Variants in SYCP1 observed in about 807,000 individuals in gnomAD.
SYCP1 encodes cancer/testis antigen 8.
A neutral mutation model predicts 153.1 loss-of-function variants in SYCP1; 64 were observed. That is an observed-to-expected ratio of 0.42 (90% CI 0.34 to 0.51). SYCP1 has a LOEUF of 0.51. Ranked by LOEUF, SYCP1 falls within the 20% of genes least tolerant of loss-of-function variation. The pLI is 0.06. For synonymous variants in SYCP1, 384 were observed against 341.8 expected, an observed-to-expected ratio of 1.12 and a Z score of -1.36; for missense variants, 997 against 1,049.0, an observed-to-expected ratio of 0.95 and a Z score of 0.68.
intron 12 of SYCP1, among the ~76,000 whole-genome samples, chr1:114,883,445 G>A (rs1248865261): frequency 6.6e-6 from 1 of 152,076 alleles, no homozygotes; most frequent in Non-Finnish European, 1.5e-5. Context: ...TTGATTGTGA[G>A]GTCATGTAAC....
At chr1:114,970,178 T>A (rs1224364072) in intron 27 of SYCP1, among the ~76,000 whole-genome samples, 1 of 152,192 alleles carries the variant, frequency 6.6e-6, no homozygotes, top group Admixed American at 6.5e-5. Flanking sequence ...CTCTAAAGTC[T>A]TTTCCTTTAC....
chr1:114,961,417 T>G (rs1671774249), intron 27 of SYCP1, among the ~76,000 whole-genome samples: 2 of 152,208 alleles, frequency 1.3e-5, no homozygotes, highest in South Asian at 4.1e-4. Context: ...TCTAGCTCCT[T>G]GAGATGTGAC....
intron 8 of SYCP1, among the ~76,000 whole-genome samples, chr1:114,871,594 G>T (rs1245444469): frequency 6.6e-6 from 1 of 151,242 alleles, no homozygotes. Flanking sequence ...GTTTTTTGAG[G>T]CAGAGTCTCA....
At chr1:114,956,602 G>A (rs973436968) in intron 27 of SYCP1, among the ~76,000 whole-genome samples, 1 of 152,150 alleles carries the variant, frequency 6.6e-6, no homozygotes, top group Non-Finnish European at 1.5e-5. Context: ...CTGCTGGGAG[G>A]CATGTCCATC....
chr1:114,889,388 C>T (rs959283812), intron 15 of SYCP1, among the ~76,000 whole-genome samples: 5 of 152,100 alleles, frequency 3.3e-5, no homozygotes, highest in Admixed American at 6.5e-5. Context: ...TTTTAATGAT[C>T]GCCATTCTAA....
chr1:114,936,478 T>G lies in SYCP1; in HGVS notation c.1927-7861T>G, dbSNP rs534614005. On this transcript the variant is annotated intron_variant, in intron 23 of 31. Coordinates refer to ENST00000369522, the MANE Select transcript of SYCP1 (RefSeq NM_003176.4). ...GTGGGCAAAAACTGGAAGCATTCCC[T>G]TTGAAAACAGGCACAAGACAGGGAT... 2.0e-5 allele frequency among the ~76,000 whole-genome samples: 3 copies of G among 152,144 alleles called. No homozygotes were observed. The South Asian group carries it at 6.2e-4, about 32-fold the overall frequency.
At position 114,926,814 on chromosome 1, in the gene SYCP1, T is replaced by G. The variant is rs140779620; in HGVS notation, c.1926+251T>G. ...CAAGCAGCTTAAGAATATATGTGCA[T>G]GCATGAGCTCTTTGTGTGTGGTCAT... On this transcript the variant is annotated intron_variant, in intron 23 of 31. Transcript: ENST00000369522. Among the ~76,000 whole-genome samples, 971 of 152,220 alleles carry G rather than the reference T, an allele frequency of 6.4e-3. 9 individuals carry two copies. The highest frequency in any genetic ancestry group is 0.022 in the African/African-American group (913 of 41,576).
intron 15 of SYCP1, among the ~76,000 whole-genome samples, chr1:114,889,448 G>A (rs1176575852): frequency 2.0e-5 from 3 of 152,146 alleles, no homozygotes; most frequent in Admixed American, 2.0e-4. Context: ...TTTCTCTGAT[G>A]ACCAGTGATG....
intron 27 of SYCP1, among the ~76,000 whole-genome samples, chr1:114,947,672 G>C (rs998480546): frequency 4.0e-5 from 6 of 151,506 alleles, no homozygotes; most frequent in Non-Finnish European, 5.9e-5. Context: ...AATTAGCCGG[G>C]TGCGGTGGCG....
At chr1:114,966,560 G>A (rs1164298990) in intron 27 of SYCP1, among the ~76,000 whole-genome samples, 2 of 152,048 alleles carry the variant, frequency 1.3e-5, no homozygotes, top group African/African-American at 2.4e-5. Flanking sequence ...GTTCTCAATG[G>A]TTTTAAAGAA....
At chr1:114,958,769 A>T (rs919223167) in intron 27 of SYCP1, among the ~76,000 whole-genome samples, 1 of 150,242 alleles carries the variant, frequency 6.7e-6, no homozygotes, top group African/African-American at 2.4e-5. Context: ...AAAAAAAAAA[A>T]AAAAAAAAAA....
At chr1:114,938,329 A>C (rs1452241926) in intron 23 of SYCP1, among the ~76,000 whole-genome samples, 1 of 146,766 alleles carries the variant, frequency 6.8e-6, no homozygotes, top group Non-Finnish European at 1.5e-5. Context: ...GTTCTCACTC[A>C]TAGGTGTGAA....
chr1:114,984,374 T>C (rs183591022), intron 29 of SYCP1, among the ~76,000 whole-genome samples: 6 of 152,110 alleles, frequency 3.9e-5, no homozygotes, highest in Admixed American at 6.6e-5. Flanking sequence ...CACTCAGTTA[T>C]TTTTTTCGAT....
chr1:114,919,444 G>T (rs2101708891), intron 20 of SYCP1, among the ~76,000 whole-genome samples: 1 of 152,012 alleles, frequency 6.6e-6, no homozygotes, highest in Non-Finnish European at 1.5e-5. Context: ...TGTTCATCAG[G>T]GATATTGGCC....
At chr1:114,986,816 T>C (rs114320267) in intron 30 of SYCP1, among the ~76,000 whole-genome samples, 15 of 152,110 alleles carry the variant, frequency 9.9e-5, no homozygotes, top group African/African-American at 3.4e-4. Context: ...TATGCAGTCT[T>C]ATTTGAATGT....
chr1:114,941,148 A>G (rs1670359678), intron 23 of SYCP1, among the ~76,000 whole-genome samples: 1 of 152,050 alleles, frequency 6.6e-6, no homozygotes, highest in African/African-American at 2.4e-5. Flanking sequence ...TTGGCCCTCC[A>G]TATATGTGAG....
At chr1:114,875,425 G>A (rs11804120) in intron 9 of SYCP1, among the ~76,000 whole-genome samples, 16,629 of 151,812 alleles carry the variant, frequency 0.11, 970 homozygotes, top group Middle Eastern at 0.17. Flanking sequence ...ACGCCCGGCT[G>A]ATTTTTTGTA....
intron 27 of SYCP1, among the ~76,000 whole-genome samples, chr1:114,973,744 G>A (rs530890427): frequency 2.6e-5 from 4 of 151,900 alleles, no homozygotes; most frequent in Non-Finnish European, 4.4e-5. Flanking sequence ...TTAGGAGAAG[G>A]AAGATTTTGT....
intron 8 of SYCP1, among the ~76,000 whole-genome samples, chr1:114,867,506 T>G (rs189999220): frequency 6.6e-6 from 1 of 152,324 alleles, no homozygotes; most frequent in Admixed American, 6.5e-5. Context: ...TCATTTTTTT[T>G]GTATACTAAT....
Sources: allele counts gnomAD v4.1 joint callset (sites outside exome capture counted in the v4.1 genomes callset), GRCh38; gene constraint gnomAD v4.1.1; transcripts MANE v1.5; gene names NCBI Gene and HGNC (gene_info 2026-07-23, HGNC 2026-07-21).